CCDC186: variants seen among roughly 807,000 people sequenced by gnomAD.
CCDC186 encodes coiled-coil domain-containing protein 186.
In CCDC186, 49 loss-of-function variants were observed where a neutral mutation model predicts 113.7. That is an observed-to-expected ratio of 0.43 (90% CI 0.34 to 0.55). The LOEUF is 0.55. CCDC186 is among the 20% of genes least tolerant of loss of function. The pLI is 0.02. For synonymous variants in CCDC186, 355 were observed against 345.8 expected (o/e 1.03, Z -0.30); for missense variants, 890 against 1,011.1 (o/e 0.88, Z 1.62).
intron 13 of CCDC186, among the ~76,000 whole-genome samples, chr10:114,127,895 C>T (rs1023747100): frequency 7.2e-5 from 11 of 152,076 alleles, no homozygotes; most frequent in African/African-American, 2.4e-4. Flanking sequence ...AATAGAGCAA[C>T]AAGGATCTCA....
In CCDC186 at chr10:114,134,909, G is replaced by C. The variant is rs1290580430; in HGVS notation, c.1655+4C>G. 1 of 1,603,028 alleles carries C rather than the reference G, an allele frequency of 6.2e-7. No homozygotes were observed. Among genetic ancestry groups the C allele is most frequent in the South Asian group, 1.1e-5 (1 of 87,700 alleles). ...AATACAAACAGAAGTTGCTCATTTTGTACCTTTGAAGCTGCTCCTGTAGCT... is the reference window on the plus strand; with the variant it reads ...AATACAAACAGAAGTTGCTCATTTTCTACCTTTGAAGCTGCTCCTGTAGCT... On this transcript the variant is annotated splice_donor_region_variant and intron_variant, in intron 10 of 15. Coordinates refer to ENST00000369287, the MANE Select transcript of CCDC186 (RefSeq NM_018017.4).
chr10:114,164,156 C>T (rs12766336), intron 1 of CCDC186, among the ~76,000 whole-genome samples: 7,626 of 113,548 alleles, frequency 0.067, 416 homozygotes, highest in Middle Eastern at 0.19. Flanking sequence ...GTCTCACTGT[C>T]GTTGCCCGGG....
In CCDC186 at chr10:114,144,610, C is replaced by T. The variant is rs775187807; in HGVS notation, c.1108G>A (p.Glu370Lys). ...ATTTCTCTGATGAGTCTAGTCGTTT[C>T]GCCTTCCTAAAATAATATCACTAGG... ...LHQLYETKEG[E>K]TTRLIREIDK... The change falls in exon 6 of 16, where the codon GAA becomes AAA. Residue 370 changes from glutamate (E) to lysine (K), a missense_variant. Coordinates refer to ENST00000369287, the MANE Select transcript of CCDC186 (RefSeq NM_018017.4). 1.1e-4 allele frequency: 171 copies of T among 1,606,640 alleles called. No homozygotes were observed. Among genetic ancestry groups the T allele is most frequent in the East Asian group, 2.2e-4 (10 of 44,764 alleles).
rs767520724 is a variant in CCDC186, at chr10:114,127,639, G to A, written c.2215C>T (p.Arg739Ter). 5.6e-6 allele frequency: 9 copies of A among 1,613,828 alleles called. No homozygotes were observed. Among genetic ancestry groups the A allele is most frequent in the South Asian group, 1.1e-5 (1 of 91,076 alleles). Residue 739 changes from arginine to a stop codon, truncating the protein, a stop_gained, in exon 14 of 16, where the codon CGA becomes TGA. Transcript: ENST00000369287. LOFTEE classifies it high-confidence loss of function. Reference sequence around the variant, plus strand: ...GAGGACCCAGTATTTTCTGGAGATCGATCTTCTGCACTGCTTCGAGCATTC... The same window carrying A: ...GAGGACCCAGTATTTTCTGGAGATCAATCTTCTGCACTGCTTCGAGCATTC... ...SLNARSSAED[R>*]SPENTGSSVA...
chr10:114,137,115 T>G, intron 7 of CCDC186, 71 bp downstream of exon 7: 1 of 1,221,698 alleles, frequency 8.2e-7, no homozygotes, highest in Non-Finnish European at 1.2e-6. Flanking sequence ...AGACTCCATC[T>G]AAAAAAAGAA....
intron 6 of CCDC186, among the ~76,000 whole-genome samples, chr10:114,140,873 A>G (rs997195460): frequency 6.6e-6 from 1 of 151,396 alleles, no homozygotes; most frequent in Non-Finnish European, 1.5e-5. Context: ...TTGTCTACTA[A>G]TTCTATTATT....
Position 114,123,434 on chromosome 10 carries a change from T to C in CCDC186, c.*1709A>G, listed in dbSNP as rs537188705. On this transcript the variant is annotated 3_prime_UTR_variant, in exon 16 of 16. Transcript: ENST00000369287. Reference sequence around the variant, plus strand: ...TAAATTATTTTTAAACGATGTTGATTAAAAAATGTTAAAACACATTAAAAG... The same window carrying C: ...TAAATTATTTTTAAACGATGTTGATCAAAAAATGTTAAAACACATTAAAAG... The C allele has an allele frequency of 1.3e-5, 2 of 152,256 alleles. No individual in the cohort carries two copies. The highest frequency in any genetic ancestry group is 4.8e-5 in the African/African-American group (2 of 41,552). 9.4% of individuals were successfully genotyped at this position (152,256 alleles called of 1,614,324 possible). A position where few individuals can be genotyped will look rare whatever the true frequency, so the allele number is the denominator to read the frequency against.
At chr10:114,133,511 G>GA (rs1312111819) in intron 10 of CCDC186, among the ~76,000 whole-genome samples, 1 of 152,148 alleles carries the variant, frequency 6.6e-6, no homozygotes, top group Non-Finnish European at 1.5e-5. Flanking sequence ...AAATAGTTGG[G>GA]ATCACCCAAA....
chr10:114,132,601 T>C (rs888784094), intron 10 of CCDC186, among the ~76,000 whole-genome samples: 30 of 152,210 alleles, frequency 2.0e-4, no homozygotes, highest in Non-Finnish European at 2.1e-4. Flanking sequence ...CATTGTACTA[T>C]GAAAACTGCC....
At chr10:114,157,464 T>A in intron 3 of CCDC186, 90 bp downstream of exon 3, 2 of 1,279,210 alleles carry the variant, frequency 1.6e-6, no homozygotes, top group South Asian at 3.1e-5. Flanking sequence ...AGTGCTACGA[T>A]TACAGGCATG....
chr10:114,144,421 CA>C (rs752803345), intron 6 of CCDC186, 75 bp downstream of exon 6: 674 of 1,310,842 alleles, frequency 5.1e-4, no homozygotes, highest in South Asian at 1.6e-3. Flanking sequence ...GACTCCGTCT[CA>C]AAAAAAAAAC....
intron 3 of CCDC186, among the ~76,000 whole-genome samples, chr10:114,152,428 T>C (rs948730350): frequency 6.6e-6 from 1 of 151,964 alleles, no homozygotes; most frequent in Non-Finnish European, 1.5e-5. Flanking sequence ...TCGAGTTCAG[T>C]GCTATTGACA....
In CCDC186 at chr10:114,149,681, G is replaced by T; in HGVS notation, c.888+1411C>A. Among the ~76,000 whole-genome samples the T allele has an allele frequency of 9.5e-4, 2 of 2,116 alleles. 1 individual carries two copies. Among genetic ancestry groups the T allele is most frequent in the South Asian group, 0.032 (2 of 62 alleles). The allele number at this position is 2,116 out of a possible 152,430, so 1.4% of individuals were successfully genotyped here. A position where few individuals can be genotyped will look rare whatever the true frequency, so the allele number is the denominator to read the frequency against. On this transcript the variant is annotated intron_variant, in intron 4 of 15. Coordinates refer to ENST00000369287, the MANE Select transcript of CCDC186 (RefSeq NM_018017.4). Reference sequence around the variant, plus strand: ...GGAAGGAAGGAAAGGAGGGAAGGAGGGAGGAAAGAAAAGAATGGAATGGAA... The same window carrying T: ...GGAAGGAAGGAAAGGAGGGAAGGAGTGAGGAAAGAAAAGAATGGAATGGAA...
At chr10:114,134,205 A>G (rs1459035184) in intron 10 of CCDC186, among the ~76,000 whole-genome samples, 2 of 152,216 alleles carry the variant, frequency 1.3e-5, no homozygotes, top group Admixed American at 1.3e-4. Flanking sequence ...GTGAAGAAGT[A>G]AACACTTGCC....
chr10:114,157,604 G>C lies in CCDC186; in HGVS notation c.709C>G (p.Leu237Val). The change falls in exon 3 of 16, where the codon CTA becomes GTA. Residue 237 changes from leucine to valine, a missense_variant. Coordinates refer to ENST00000369287, the MANE Select transcript of CCDC186 (RefSeq NM_018017.4). ...CSEKDNLREE[L>V]KKRTETEKQH... ...TTCTCAGTTTCTGTTCTTTTCTTTA[G>C]TTCTTCTCTTAAATTGTCTTTTTCT... is the stretch of plus-strand genomic sequence containing the variant. 1 of 1,610,716 alleles carries C rather than the reference G, an allele frequency of 6.2e-7. No individual in the cohort carries two copies. The highest frequency in any genetic ancestry group is 8.5e-7 in the Non-Finnish European group (1 of 1,178,924).
chr10:114,154,671 C>T, intron 3 of CCDC186, among the ~76,000 whole-genome samples: 1 of 152,056 alleles, frequency 6.6e-6, no homozygotes. Context: ...TTTGCTCTTC[C>T]CCCAAAAAGT....
rs1303419949 is a variant in CCDC186 at position 114,152,936 on chromosome 10, TA to T, written c.760-1717del. On this transcript the variant is annotated intron_variant, in intron 3 of 15. Transcript: ENST00000369287. The stretch of plus-strand genomic sequence containing the variant: ...CAAGCCATCAGAAAGATCTAACAGA[TA>T]AATGTATATGCATCTAAGAATGTAG... Among the ~76,000 whole-genome samples the T allele has an allele frequency of 7.9e-5, 12 of 152,114 alleles. 1 individual carries two copies. Among genetic ancestry groups the T allele is most frequent in the Non-Finnish European group, 1.6e-4 (11 of 67,992 alleles).
rs192869468 is a variant in CCDC186, at chr10:114,164,785, T to C, written c.-61-1456A>G. 3.9e-5 allele frequency among the ~76,000 whole-genome samples: 6 copies of C among 152,298 alleles called. No homozygotes were observed. The East Asian group carries it at 1.2e-3, about 29-fold the overall frequency. ...TTTTAAATAACAAAACATGCATGGT[T>C]ACATCAGGCTGGGATAAAGGTGGTT... On this transcript the variant is annotated intron_variant, in intron 1 of 15. Transcript: ENST00000369287.
At chr10:114,126,250 C>G in intron 14 of CCDC186, 145 bp from the exon 15 acceptor site, 1 of 643,680 alleles carries the variant, frequency 1.6e-6, no homozygotes, top group Non-Finnish European at 2.6e-6. Flanking sequence ...TCTCCTTATT[C>G]AGATGGTTTC....
Sources: gnomAD v4.1 joint callset for allele counts (sites outside exome capture counted in the v4.1 genomes callset) on GRCh38, gnomAD v4.1.1 for gene constraint, MANE v1.5 for transcripts, NCBI Gene and HGNC (gene_info 2026-07-23, HGNC 2026-07-21) for gene names.